HR: variants seen among roughly 807,000 people sequenced by gnomAD.
The protein encoded by HR is HR lysine demethylase and nuclear receptor corepressor, also known as lysine-specific demethylase hairless.
In HR, 83 loss-of-function variants were observed where a neutral mutation model predicts 128.6. The observed-to-expected ratio is 0.65, with a 90% CI of 0.54 to 0.77. HR has a LOEUF of 0.77. Ranked by LOEUF, HR falls within the 30% of genes least tolerant of loss-of-function variation. HR has a pLI of 0.00. For missense variants in HR, 1,490 were observed against 1,574.6 expected (o/e 0.95, Z 0.91); for synonymous variants, 681 against 658.2 (o/e 1.03, Z -0.53).
At position 22,120,968 on chromosome 8, in the gene HR, G is replaced by T. The variant is rs759459355; in HGVS notation, c.2368-10C>A. The T allele has an allele frequency of 2.4e-5, 39 of 1,604,060 alleles. No individual in the cohort carries two copies. Among genetic ancestry groups the T allele is most frequent in the Non-Finnish European group, 3.2e-5 (38 of 1,175,548 alleles). ...TGGTGATGCGGTCATCCTGCAGAGAGGGGCACAGGGGCTTAGGACCCACTG... is the reference window on the plus strand; with the variant it reads ...TGGTGATGCGGTCATCCTGCAGAGATGGGCACAGGGGCTTAGGACCCACTG... On this transcript the variant is annotated splice_polypyrimidine_tract_variant and intron_variant, in intron 10 of 18. Transcript: ENST00000381418.
chr8:22,126,922 G>A, intron 3 of HR, 115 bp downstream of exon 3: 1 of 1,040,998 alleles, frequency 9.6e-7, no homozygotes, highest in South Asian at 1.6e-5. Context: ...CCAGGTGGGA[G>A]CCTGACCACT....
intron 8 of HR, 45 bp downstream of exon 8, chr8:22,122,448 A>G (rs1403889531): frequency 3.6e-6 from 5 of 1,407,230 alleles, no homozygotes; most frequent in Non-Finnish European, 4.9e-6. Flanking sequence ...AAGGTCAGCC[A>G]TTTGCAGGCA....
intron 8 of HR, among the ~76,000 whole-genome samples, chr8:22,122,142 C>T (rs1382850759): frequency 6.6e-6 from 1 of 152,168 alleles, no homozygotes; most frequent in Non-Finnish European, 1.5e-5. Flanking sequence ...GTGTTAGGTG[C>T]CGGGATACTG....
Position 22,120,929 on chromosome 8 carries a change from G to C in HR, c.2397C>G (p.Ser799Arg). 1 of 1,577,352 alleles carries C rather than the reference G, an allele frequency of 6.3e-7. No homozygotes were observed. The highest frequency in any genetic ancestry group is 2.3e-5 in the East Asian group (1 of 43,092). Residue 799 changes from serine to arginine, a missense_variant, in exon 11 of 19, where the codon AGC (serine) becomes AGG (arginine). Physicochemically the swap from Ser to Arg is moderately radical, Grantham distance 110. Coordinates refer to ENST00000381418, the MANE Select transcript of HR (RefSeq NM_005144.5). ...SDDRITNILD[S>R]IIAQVVERKI... Reference sequence around the variant, plus strand: ...TCCGTTCCACCACCTGTGCGATAATGCTGTCCAGGATGTTGGTGATGCGGT... The same window carrying C: ...TCCGTTCCACCACCTGTGCGATAATCCTGTCCAGGATGTTGGTGATGCGGT...
chr8:22,128,508 G>A, intron 2 of HR, 51 bp downstream of exon 2: 2 of 1,609,252 alleles, frequency 1.2e-6, no homozygotes, highest in Non-Finnish European at 1.7e-6. Flanking sequence ...GGACCACCGA[G>A]CAACTTTGCT....
rs1330209143 is a variant in HR, at chr8:22,128,833, G to T, written c.338C>A (p.Pro113Gln). The T allele has an allele frequency of 6.2e-7, 1 of 1,613,274 alleles. No homozygotes were observed. Among genetic ancestry groups the T allele is most frequent in the Non-Finnish European group, 8.5e-7 (1 of 1,180,010 alleles). The change falls in exon 2 of 19, where the codon CCA (proline) becomes CAA (glutamine). Residue 113 changes from proline (P) to glutamine (Q), a missense_variant. By Grantham distance (76) the Pro-to-Gln change is moderately conservative (BLOSUM62 -1). This residue lies in a region of HR where 1,060 missense variants were observed against 1,060.9 expected (regional missense o/e 1.00). Coordinates refer to ENST00000381418, the MANE Select transcript of HR (RefSeq NM_005144.5). The stretch of plus-strand genomic sequence containing the variant: ...GGGGCCACAGCGAGGTGGGCACGCT[G>T]GCCCGCAGAATGCCAGCGGATGGGT... ...MLTHPLAFCG[P>Q]ACPPRCGPLM...
Position 22,122,607 on chromosome 8 carries a change from A to C in HR, c.2007T>G (p.Ala669=). 8 of 1,064,186 alleles carry C rather than the reference A, an allele frequency of 7.5e-6. No individual in the cohort carries two copies. Among genetic ancestry groups the C allele is most frequent in the African/African-American group, 1.6e-5 (1 of 63,204 alleles). The allele number at this position is 1,064,186 out of a possible 1,614,324, so 65.9% of individuals were successfully genotyped here. A position where few individuals can be genotyped will look rare whatever the true frequency, so the allele number is the denominator to read the frequency against. The change falls in exon 8 of 19, where the codon GCT becomes GCG. Residue 669 remains alanine (A), a splice_region_variant and synonymous_variant. Coordinates refer to ENST00000381418, the MANE Select transcript of HR (RefSeq NM_005144.5). ...GCATTGCAGTGCTCAGCTCTGCCAA[A>C]GCTGGGGGTGGGGGTGGGCAGGAGA... ...LMLTQFVSSQ[A]LAELSTAMHQ... is the part of the protein sequence containing the mutation.
At position 22,121,714 on chromosome 8, in the gene HR, C is replaced by G. The variant is rs753562307; in HGVS notation, c.2122-20G>C. On this transcript the variant is annotated intron_variant, in intron 8 of 18. Transcript: ENST00000381418. ...TTCCTTCTGTTAAACCCATCCACCA[C>G]CCCCCCAATCCAACCAGAGATTTTA... The G allele has an allele frequency of 6.2e-7, 1 of 1,603,180 alleles. No homozygotes were observed. Among genetic ancestry groups the G allele is most frequent in the Non-Finnish European group, 8.5e-7 (1 of 1,170,410 alleles).
At chr8:22,119,118 C>A (rs373521712) in intron 15 of HR, 46 bp downstream of exon 15, 1 of 1,613,666 alleles carries the variant, frequency 6.2e-7, no homozygotes, top group African/African-American at 1.3e-5. Context: ...GACAAACACT[C>A]ACCTCTGTAG....
In HR at chr8:22,127,548, G is replaced by C. The variant is rs368060858; in HGVS notation, c.894C>G (p.Gly298=). ...CCAGCTGGTACCCAAGGTTCCCATC[G>C]CCTGGCCCAGCCCAGACGTTGCCAA... ...HTLGNVWAGP[G]DGNLGYQLGP... Residue 298 remains glycine (G), a synonymous_variant, in exon 3 of 19, where the codon GGC becomes GGG. Coordinates refer to ENST00000381418, the MANE Select transcript of HR (RefSeq NM_005144.5). 6.2e-7 allele frequency: 1 copy of C among 1,612,928 alleles called. No individual in the cohort carries two copies. Among genetic ancestry groups the C allele is most frequent in the Non-Finnish European group, 8.5e-7 (1 of 1,180,012 alleles).
In HR at chr8:22,120,392, G is replaced by A. The variant is rs753705092; in HGVS notation, c.2726C>T (p.Pro909Leu). The A allele has an allele frequency of 6.2e-7, 1 of 1,613,952 alleles. No individual in the cohort carries two copies. The highest frequency in any genetic ancestry group is 1.1e-5 in the South Asian group (1 of 91,088). ...QALSPLGPPQ[P>L]SSLGSTTFWE... is the part of the protein sequence containing the mutation. ...GAATGTTGTGCTGCCCAGGCTGCTGGGCTGGGGAGGTCCGAGGGGGCTCAG... is the reference window on the plus strand; with the variant it reads ...GAATGTTGTGCTGCCCAGGCTGCTGAGCTGGGGAGGTCCGAGGGGGCTCAG... Residue 909 changes from proline to leucine, a missense_variant, in exon 12 of 19, where the codon CCC (proline) becomes CTC (leucine). Pro to Leu is a moderately conservative substitution (Grantham distance 98). Coordinates refer to ENST00000381418, the MANE Select transcript of HR (RefSeq NM_005144.5).
Position 22,125,631 on chromosome 8 carries a change from C to T in HR, c.1507G>A (p.Ala503Thr), listed in dbSNP as rs115643651. 4,522 of 1,610,742 alleles carry T rather than the reference C, an allele frequency of 2.8e-3. 105 individuals are homozygous for T. The African/African-American group carries it at 0.053, about 19-fold the overall frequency. The change falls in exon 4 of 19, where the codon GCA becomes ACA. Residue 503 changes from alanine (A) to threonine (T), a missense_variant. Physicochemically the swap from Ala to Thr is moderately conservative, Grantham distance 58. Around this residue, in one of 3 missense-constraint regions of HR, gnomAD observed 1,060 missense variants for 1,060.9 expected, o/e 1.00. Transcript: ENST00000381418. ...GCGTGCCCTCCTCCCTCTCCAGCTG[C>T]CTGGGCACAACTTTGGCATTGAGCC... ...KLAQCQSCAQ[A>T]AGEGGGHACH...
Position 22,121,531 on chromosome 8 carries a change from C to T in HR, c.2203+82G>A, listed in dbSNP as rs1156293413. On this transcript the variant is annotated intron_variant, in intron 9 of 18. Coordinates refer to ENST00000381418, the MANE Select transcript of HR (RefSeq NM_005144.5). ...GGGGAGTTGCTAAAGTCCCCGGAGACTTCCGCGACTGTCCCCTCCTGCCTC... is the reference window on the plus strand; with the variant it reads ...GGGGAGTTGCTAAAGTCCCCGGAGATTTCCGCGACTGTCCCCTCCTGCCTC... The T allele has an allele frequency of 2.7e-6, 4 of 1,458,874 alleles. No individual in the cohort carries two copies. The Admixed American group carries it at 6.7e-5, about 24-fold the overall frequency. 90.4% of individuals were successfully genotyped at this position (1,458,874 alleles called of 1,614,324 possible).
chr8:22,126,067 G>A (rs1441623686), intron 3 of HR, among the ~76,000 whole-genome samples: 2 of 152,214 alleles, frequency 1.3e-5, no homozygotes, highest in East Asian at 1.9e-4. Context: ...GCTCCACTGA[G>A]GGCTTAGTGA....
chr8:22,119,203 C>A lies in HR; in HGVS notation c.3058G>T (p.Ala1020Ser), dbSNP rs773967530. 6.2e-7 allele frequency: 1 copy of A among 1,613,890 alleles called. No homozygotes were observed. The highest frequency in any genetic ancestry group is 1.3e-5 in the African/African-American group (1 of 75,064). Residue 1020 changes from alanine (A) to serine (S), a missense_variant, in exon 15 of 19, where the codon GCC (alanine) becomes TCC (serine). Coordinates refer to ENST00000381418, the MANE Select transcript of HR (RefSeq NM_005144.5). ...TGCCAGGCAGGCAGTGGTGTGTCGG[C>A]ATGCACCAGGATGCTGACCAGGTCG... ...VADLVSILVH[A>S]DTPLPAWHRA... is the part of the protein sequence containing the mutation.
In HR at chr8:22,121,704, C is replaced by T. The variant is rs1410521010; in HGVS notation, c.2122-10G>A. 2 of 1,613,458 alleles carry T rather than the reference C, an allele frequency of 1.2e-6. No homozygotes were observed. Among genetic ancestry groups the T allele is most frequent in the Non-Finnish European group, 8.5e-7 (1 of 1,179,440 alleles). On this transcript the variant is annotated splice_polypyrimidine_tract_variant and intron_variant, in intron 8 of 18. Transcript: ENST00000381418. ...TCTGTGTTGATTCCTTCTGTTAAAC[C>T]CATCCACCACCCCCCCAATCCAACC... is the stretch of plus-strand genomic sequence containing the variant.
In HR at chr8:22,127,477, G is replaced by T. The variant is rs1286240669; in HGVS notation, c.965C>A (p.Thr322Asn). ...PRCPSPEPPVTQRGCCSSYPP... is the reference protein window; with the variant it reads ...PRCPSPEPPVNQRGCCSSYPP... ...GTAGGATGAACAGCAGCCCCGCTGGGTGACAGGCGGCTCAGGAGAGGGGCA... is the reference window on the plus strand; with the variant it reads ...GTAGGATGAACAGCAGCCCCGCTGGTTGACAGGCGGCTCAGGAGAGGGGCA... The change falls in exon 3 of 19, where the codon ACC (threonine) becomes AAC (asparagine). Residue 322 changes from threonine to asparagine, a missense_variant. Thr to Asn is a moderately conservative substitution (Grantham distance 65). Transcript: ENST00000381418. 3 of 1,611,154 alleles carry T rather than the reference G, an allele frequency of 1.9e-6. No individual in the cohort carries two copies. The highest frequency in any genetic ancestry group is 2.5e-6 in the Non-Finnish European group (3 of 1,178,416).
intron 6 of HR, among the ~76,000 whole-genome samples, 193 bp from the exon 7 acceptor site, chr8:22,123,072 G>C (rs1826796558): frequency 6.6e-6 from 1 of 152,206 alleles, no homozygotes; most frequent in Admixed American, 6.5e-5. Flanking sequence ...TTAACGTGCT[G>C]AGAGGCTTTG....
rs369191252 is a variant in HR, at chr8:22,125,399, G to A, written c.1662C>T (p.Leu554=). The part of the protein sequence containing the change: ...SGPDSRLSTG[L]AKHLLSGLGD... The stretch of plus-strand genomic sequence containing the variant: ...CCAAACCACTGAGCAGGTGCTTGGC[G>A]AGGCCTGTGCTGAGCCGGCTGTCAG... The change falls in exon 5 of 19, where the codon CTC becomes CTT. Residue 554 remains leucine (L), a synonymous_variant. Coordinates refer to ENST00000381418, the MANE Select transcript of HR (RefSeq NM_005144.5). 3.7e-5 allele frequency: 59 copies of A among 1,611,738 alleles called. No homozygotes were observed. The Middle Eastern group carries it at 8.2e-4, about 22-fold the overall frequency.
Sources: allele counts gnomAD v4.1 joint callset (sites outside exome capture counted in the v4.1 genomes callset), GRCh38; gene constraint gnomAD v4.1.1; regional missense constraint gnomAD v4.1.1; transcripts MANE v1.5; gene names NCBI Gene and HGNC (gene_info 2026-07-23, HGNC 2026-07-21).